STXBP5L: variants seen among roughly 807,000 people sequenced by gnomAD.
STXBP5L encodes the protein syntaxin-binding protein 5-like.
In STXBP5L, 65 loss-of-function variants were observed where a neutral mutation model predicts 144.5. That is an observed-to-expected ratio of 0.45 (90% CI 0.37 to 0.55). STXBP5L has a LOEUF of 0.55. STXBP5L is among the 20% of genes least tolerant of loss of function. The pLI is 0.00. For synonymous variants in STXBP5L, 505 were observed against 469.6 expected (o/e 1.08, Z -0.97); for missense variants, 1,298 against 1,405.5 (o/e 0.92, Z 1.22).
chr3:121,057,905 C>G (rs1451190058), intron 5 of STXBP5L, among the ~76,000 whole-genome samples: 1 of 152,000 alleles, frequency 6.6e-6, no homozygotes. Flanking sequence ...CCTGACTCAT[C>G]ATATTGTTTT....
intron 5 of STXBP5L, among the ~76,000 whole-genome samples, chr3:121,106,593 A>G (rs2043723443): frequency 6.6e-6 from 1 of 152,154 alleles, no homozygotes; most frequent in Admixed American, 6.6e-5. Flanking sequence ...TTTTGGCTGC[A>G]TAGTATTCCA....
chr3:120,991,534 A>T (rs1455895237), intron 3 of STXBP5L, among the ~76,000 whole-genome samples: 2 of 152,266 alleles, frequency 1.3e-5, no homozygotes, highest in African/African-American at 2.4e-5. Context: ...ATGCACATGT[A>T]TGTTTATGGT....
At chr3:121,184,711 A>C (rs917339292) in intron 9 of STXBP5L, among the ~76,000 whole-genome samples, 2 of 152,176 alleles carry the variant, frequency 1.3e-5, no homozygotes, top group Admixed American at 6.5e-5. Context: ...AGAAATACAG[A>C]GAACACCACA....
At chr3:121,318,769 C>T (rs984846550) in intron 20 of STXBP5L, among the ~76,000 whole-genome samples, 1 of 152,044 alleles carries the variant, frequency 6.6e-6, no homozygotes, top group African/African-American at 2.4e-5. Flanking sequence ...AAGTGCAACA[C>T]TTTAAAAGAC....
At chr3:121,313,255 C>T (rs1169341805) in intron 19 of STXBP5L, among the ~76,000 whole-genome samples, 35 of 143,364 alleles carry the variant, frequency 2.4e-4, no homozygotes, top group East Asian at 4.3e-4. Flanking sequence ...GGCGGCTGGC[C>T]GGGCAGAGGG....
At chr3:121,061,719 G>A (rs551304013) in intron 5 of STXBP5L, among the ~76,000 whole-genome samples, 12 of 152,292 alleles carry the variant, frequency 7.9e-5, no homozygotes, top group Non-Finnish European at 8.8e-5. Context: ...TTACTATTAT[G>A]TAATGCCCTT....
intron 20 of STXBP5L, among the ~76,000 whole-genome samples, chr3:121,355,092 C>T (rs1385102905): frequency 3.3e-5 from 5 of 152,150 alleles, no homozygotes; most frequent in African/African-American, 4.8e-5. Flanking sequence ...GTGGGTAACT[C>T]GACCTTTCTC....
At chr3:121,098,452 C>T (rs1386625705) in intron 5 of STXBP5L, among the ~76,000 whole-genome samples, 1 of 152,118 alleles carries the variant, frequency 6.6e-6, no homozygotes, top group Non-Finnish European at 1.5e-5. Context: ...CAGTACCATG[C>T]CATGGTGGTG....
chr3:120,975,415 G>T lies in STXBP5L; in HGVS notation c.287+20378G>T, dbSNP rs1433886544. On this transcript the variant is annotated intron_variant, in intron 3 of 26. Coordinates refer to ENST00000471454, the MANE Select transcript of STXBP5L (RefSeq NM_001308330.2). ...TTTTGTATCCTGAGACTTTGCTGAA[G>T]TTGCTTATCAGCTTAAGGAGATTTT... Among the ~76,000 whole-genome samples the T allele has an allele frequency of 1.5e-4, 23 of 152,338 alleles. No individual in the cohort carries two copies. In the East Asian group the frequency reaches 4.2e-3, roughly 28 times the overall value.
intron 3 of STXBP5L, among the ~76,000 whole-genome samples, chr3:121,014,551 T>G (rs949654026): frequency 4.6e-5 from 7 of 152,046 alleles, no homozygotes; most frequent in African/African-American, 1.7e-4. Flanking sequence ...GTTTGCTTAT[T>G]TTTTCACTTG....
intron 14 of STXBP5L, among the ~76,000 whole-genome samples, chr3:121,245,149 A>G (rs2049804042): frequency 6.6e-6 from 1 of 152,172 alleles, no homozygotes; most frequent in South Asian, 2.1e-4. Context: ...ATATAAAAAT[A>G]TGTAATTTGT....
chr3:121,361,916 C>T (rs770905796), intron 20 of STXBP5L, among the ~76,000 whole-genome samples: 7 of 152,056 alleles, frequency 4.6e-5, no homozygotes, highest in Non-Finnish European at 1.0e-4. Context: ...ATGGTTGGGT[C>T]TTATTTGTAT....
chr3:121,218,390 T>C, intron 10 of STXBP5L, among the ~76,000 whole-genome samples: 1 of 146,962 alleles, frequency 6.8e-6, no homozygotes, highest in South Asian at 2.1e-4. Context: ...TAGTATATAG[T>C]ATTATTTAGT....
At chr3:121,006,951 A>C (rs1432423313) in intron 3 of STXBP5L, among the ~76,000 whole-genome samples, 1 of 152,180 alleles carries the variant, frequency 6.6e-6, no homozygotes, top group Non-Finnish European at 1.5e-5. Flanking sequence ...CTTTGTGGGT[A>C]ACCCGACCTT....
chr3:121,092,140 T>C (rs1158439247), intron 5 of STXBP5L, among the ~76,000 whole-genome samples: 3 of 152,220 alleles, frequency 2.0e-5, no homozygotes, highest in African/African-American at 7.2e-5. Context: ...ATCTCTGTTT[T>C]GGTACCAGTA....
At chr3:121,351,302 C>T (rs1168113369) in intron 20 of STXBP5L, among the ~76,000 whole-genome samples, 2 of 152,092 alleles carry the variant, frequency 1.3e-5, no homozygotes, top group African/African-American at 4.8e-5. Context: ...ATGTGGCTGC[C>T]TGATTGTTCC....
At chr3:121,070,526 T>C (rs992199614) in intron 5 of STXBP5L, among the ~76,000 whole-genome samples, 2 of 152,202 alleles carry the variant, frequency 1.3e-5, no homozygotes, top group African/African-American at 4.8e-5. Context: ...TTATTTTCAT[T>C]ATTTCCTTCT....
intron 7 of STXBP5L, among the ~76,000 whole-genome samples, chr3:121,147,876 T>C (rs1341558628): frequency 6.6e-6 from 1 of 152,162 alleles, no homozygotes; most frequent in Non-Finnish European, 1.5e-5. Context: ...ATCAGCTTTT[T>C]CCTGCCTTTG....
intron 20 of STXBP5L, among the ~76,000 whole-genome samples, chr3:121,346,163 T>G (rs2108596823): frequency 6.7e-6 from 1 of 149,530 alleles, no homozygotes; most frequent in South Asian, 2.1e-4. Context: ...GTCCATGTGT[T>G]CTCATTGTTC....
Sources: gnomAD v4.1 joint callset for allele counts (sites outside exome capture counted in the v4.1 genomes callset) on GRCh38, gnomAD v4.1.1 for gene constraint, MANE v1.5 for transcripts, NCBI Gene and HGNC (gene_info 2026-07-23, HGNC 2026-07-21) for gene names.